Variants in RAD51B observed in about 807,000 individuals in gnomAD.
RAD51B encodes the protein RAD51 paralog B, also known as DNA repair protein RAD51 homolog 2.
Under a neutral mutation model 42.2 loss-of-function variants are expected in RAD51B, and 38 were observed. The ratio of observed to expected loss-of-function variants is 0.90; its 90% CI spans 0.70 to 1.18. The LOEUF is 1.18. RAD51B is among the 50% of genes most tolerant of loss of function. RAD51B has a pLI of 0.00. For synonymous variants in RAD51B, 154 were observed against 145.2 expected (o/e 1.06, Z -0.43); for missense variants, 373 against 400.7 (o/e 0.93, Z 0.59).
intron 8 of RAD51B, among the ~76,000 whole-genome samples, chr14:68,343,734 C>T (rs1286479974): frequency 6.6e-6 from 1 of 152,258 alleles, no homozygotes; most frequent in African/African-American, 2.4e-5. Flanking sequence ...AGACCCAGAG[C>T]ATTATGAGGA....
At chr14:68,421,713 A>G (rs1170463515) in intron 9 of RAD51B, 25 of 1,588,262 alleles carry the variant, frequency 1.6e-5, no homozygotes, top group Admixed American at 1.0e-4. Flanking sequence ...CGAGTTGTCC[A>G]CAGTCAGCAA....
chr14:67,833,369 C>G (rs1015037563), intron 3 of RAD51B, among the ~76,000 whole-genome samples: 4 of 152,196 alleles, frequency 2.6e-5, no homozygotes, highest in African/African-American at 7.2e-5. Flanking sequence ...GAGTGAGACT[C>G]TGTCTTGAAC....
chr14:68,133,075 G>A (rs775138673), intron 7 of RAD51B, among the ~76,000 whole-genome samples: 12 of 152,094 alleles, frequency 7.9e-5, no homozygotes, highest in Non-Finnish European at 1.8e-4. Flanking sequence ...AAAAGAATGT[G>A]GGGGGCAGGC....
At position 68,674,057 on chromosome 14, in the gene RAD51B, CAT is replaced by C. The variant is rs553666341; in HGVS notation, c.*11+23205_*11+23206del. On this transcript the variant is annotated intron_variant, in intron 11 of 11. Coordinates refer to the RAD51B transcript ENST00000488612. ...ATGCACACATATATACATCCACACA[CAT>C]ATACACATAAACACACATACTGTAC... Among the ~76,000 whole-genome samples the C allele has an allele frequency of 4.2e-3, 634 of 152,204 alleles. 8 individuals carry two copies. The highest frequency in any genetic ancestry group is 0.014 in the African/African-American group (600 of 41,500).
intron 7 of RAD51B, among the ~76,000 whole-genome samples, chr14:67,961,760 G>T (rs2074672978): frequency 6.6e-6 from 1 of 151,810 alleles, no homozygotes; most frequent in Admixed American, 6.6e-5. Flanking sequence ...CTAGAAATAT[G>T]TATACAACAT....
intron 7 of RAD51B, among the ~76,000 whole-genome samples, chr14:68,220,300 G>A (rs1047489913): frequency 6.6e-6 from 1 of 152,224 alleles, no homozygotes; most frequent in African/African-American, 2.4e-5. Context: ...CAGATGCAGA[G>A]ATGGTTTAAC....
intron 10 of RAD51B, among the ~76,000 whole-genome samples, chr14:68,610,003 G>A (rs891411773): frequency 5.3e-5 from 8 of 151,768 alleles, no homozygotes; most frequent in East Asian, 1.9e-4. Flanking sequence ...TCTCTCCTCC[G>A]CGTCCACATC....
In RAD51B at chr14:67,865,139, G is replaced by C. The variant is rs1462467827; in HGVS notation, c.452G>C (p.Arg151Thr). The C allele has an allele frequency of 6.3e-7, 1 of 1,587,730 alleles. No homozygotes were observed. Among genetic ancestry groups the C allele is most frequent in the Non-Finnish European group, 8.5e-7 (1 of 1,169,678 alleles). Reference sequence around the variant, plus strand: ...ACAGAGTCTGCATTTAGTGCTGAAAGGTATGAGATTTTATTTTCTATTATA... The same window carrying C: ...ACAGAGTCTGCATTTAGTGCTGAAACGTATGAGATTTTATTTTCTATTATA... Reference protein sequence around the residue: ...IDTESAFSAERLVEIAESRFP... With the variant: ...IDTESAFSAETLVEIAESRFP... The change falls in exon 5 of 11, where the codon AGA becomes ACA. Residue 151 changes from arginine to threonine, a missense_variant and splice_region_variant. Physicochemically the swap from Arg to Thr is moderately conservative, Grantham distance 71. Coordinates refer to ENST00000471583, the MANE Select transcript of RAD51B (RefSeq NM_133510.4).
At chr14:67,951,129 A>G (rs1161143366) in intron 7 of RAD51B, among the ~76,000 whole-genome samples, 3 of 152,222 alleles carry the variant, frequency 2.0e-5, no homozygotes, top group Admixed American at 6.5e-5. Context: ...AGCACATGCT[A>G]TTGGAAAAAT....
chr14:68,075,291 G>T (rs2076815000), intron 7 of RAD51B, among the ~76,000 whole-genome samples: 1 of 152,174 alleles, frequency 6.6e-6, no homozygotes, highest in African/African-American at 2.4e-5. Flanking sequence ...TATGAGTAAA[G>T]TACTCAGGGT....
At chr14:68,221,005 C>G (rs922067171) in intron 7 of RAD51B, among the ~76,000 whole-genome samples, 1 of 152,120 alleles carries the variant, frequency 6.6e-6, no homozygotes, top group East Asian at 1.9e-4. Context: ...GTGGCGCACA[C>G]CTGTAGTCCC....
rs556518614 is a variant in RAD51B, at chr14:68,553,307, A to G, written c.1037-41178A>G. 7.2e-5 allele frequency among the ~76,000 whole-genome samples: 11 copies of G among 152,320 alleles called. No individual in the cohort carries two copies. In the South Asian group the frequency reaches 1.9e-3, roughly 26 times the overall value. ...GGATCACTTGGATTATTTCTATAGA[A>G]AGAGTAATATGGTAAGCAGTGTAGA... On this transcript the variant is annotated intron_variant, in intron 10 of 10. Coordinates refer to the RAD51B transcript ENST00000487270.
rs147183508 is a variant in RAD51B, at chr14:68,226,101, C to T, written c.757-65783C>T. Among the ~76,000 whole-genome samples the T allele has an allele frequency of 6.4e-3, 976 of 152,216 alleles. 3 individuals carry two copies. Among genetic ancestry groups the T allele is most frequent in the Middle Eastern group, 0.014 (4 of 294 alleles). ...AGGAGCAAGTACACCAATCAAGTCA[C>T]GGGCAGTGTGATATGGAGAAAAGGG... On this transcript the variant is annotated intron_variant, in intron 7 of 10. Transcript: ENST00000471583.
At chr14:67,936,761 T>C (rs1426214210) in intron 7 of RAD51B, among the ~76,000 whole-genome samples, 3 of 152,222 alleles carry the variant, frequency 2.0e-5, no homozygotes, top group Admixed American at 2.0e-4. Context: ...TCTTAAAAAT[T>C]ACAATAATCC....
At chr14:68,266,976 A>G (rs924545905) in intron 7 of RAD51B, among the ~76,000 whole-genome samples, 5 of 152,228 alleles carry the variant, frequency 3.3e-5, no homozygotes, top group Non-Finnish European at 7.3e-5. Flanking sequence ...TGTGGGGCTC[A>G]TCTTCTAGGA....
At chr14:68,431,476 T>G (rs1482034640) in intron 9 of RAD51B, among the ~76,000 whole-genome samples, 1 of 152,212 alleles carries the variant, frequency 6.6e-6, no homozygotes, top group Non-Finnish European at 1.5e-5. Context: ...TGGTTTAGTC[T>G]TGGGAGGGTG....
intron 8 of RAD51B, among the ~76,000 whole-genome samples, chr14:68,304,360 A>G (rs895956844): frequency 2.0e-5 from 3 of 152,208 alleles, no homozygotes; most frequent in East Asian, 1.9e-4. Flanking sequence ...AAGTATTTCC[A>G]TAACTTGCTG....
At chr14:68,066,488 T>C (rs187638323) in intron 7 of RAD51B, among the ~76,000 whole-genome samples, 5 of 152,316 alleles carry the variant, frequency 3.3e-5, no homozygotes, top group African/African-American at 1.2e-4. Context: ...AAGGATATCA[T>C]GTTTGCAAGA....
chr14:68,546,041 G>C (rs1052355905), intron 10 of RAD51B, among the ~76,000 whole-genome samples: 1 of 152,138 alleles, frequency 6.6e-6, no homozygotes, highest in Admixed American at 6.5e-5. Context: ...TGAGTTCCAC[G>C]AGGACAGGGA....
Sources: gnomAD v4.1 joint callset for allele counts (sites outside exome capture counted in the v4.1 genomes callset) on GRCh38, gnomAD v4.1.1 for gene constraint, MANE v1.5 for transcripts, NCBI Gene and HGNC (gene_info 2026-07-23, HGNC 2026-07-21) for gene names.